PTPRM: variants seen among roughly 807,000 people sequenced by gnomAD.
PTPRM encodes the protein receptor-type tyrosine-protein phosphatase mu.
Under a neutral mutation model 186.7 loss-of-function variants are expected in PTPRM, and 47 were observed. The observed-to-expected ratio is 0.25, with a 90% confidence interval of 0.20 to 0.32. The LOEUF is 0.32. Ranked by LOEUF, PTPRM falls within the 10% of genes least tolerant of loss-of-function variation. The pLI is 1.00. For missense variants in PTPRM, 1,494 were observed against 1,865.0 expected, an observed-to-expected ratio of 0.80 and a Z score of 3.66; for synonymous variants, 668 against 674.9, an observed-to-expected ratio of 0.99 and a Z score of 0.16.
chr18:8,131,307 G>A (rs968707059), intron 13 of PTPRM, among the ~76,000 whole-genome samples: 1 of 152,166 alleles, frequency 6.6e-6, no homozygotes, highest in East Asian at 1.9e-4. Context: ...TCCCACTGAT[G>A]ATATTTTCCA....
rs530391489 is a variant in PTPRM, at chr18:8,166,750, A to G, written c.2300+22971A>G. Among the ~76,000 whole-genome samples, 3 of 152,318 alleles carry G rather than the reference A, an allele frequency of 2.0e-5. No individual in the cohort carries two copies. The East Asian group carries it at 5.8e-4, about 29-fold the overall frequency. ...ATTCTGTTGTCCTGTTTTACACTCA[A>G]GGAAACCAAGACTGAGCAAACTAAG... On this transcript the variant is annotated intron_variant, in intron 14 of 32. Transcript: ENST00000580170.
At chr18:7,680,555 G>C (rs915796401) in intron 1 of PTPRM, among the ~76,000 whole-genome samples, 1 of 152,156 alleles carries the variant, frequency 6.6e-6, no homozygotes, top group Admixed American at 6.5e-5. Flanking sequence ...GTAGACGTAG[G>C]AAAACCGTTT....
chr18:7,728,925 CTTT>C (rs113386099), intron 1 of PTPRM, among the ~76,000 whole-genome samples: 5 of 138,578 alleles, frequency 3.6e-5, no homozygotes, highest in Non-Finnish European at 4.7e-5. Flanking sequence ...TTCCTCCAAC[CTTT>C]TTTTTTTTTT....
chr18:8,113,495 A>T lies in PTPRM; in HGVS notation c.1866A>T (p.Gln622His). The change falls in exon 12 of 33, where the codon CAA becomes CAT. Residue 622 changes from glutamine (Q) to histidine (H), a missense_variant. Coordinates refer to ENST00000580170, the MANE Select transcript of PTPRM (RefSeq NM_001105244.2). ...ACTCTTGTTTTTCTAGTGTCTATCA[A>T]ATAGTTGTTGAGGAAGAACGTCCTC... Reference protein sequence around the residue: ...HSRGAPVSVYQIVVEEERPRR... With the variant: ...HSRGAPVSVYHIVVEEERPRR... The T allele has an allele frequency of 5.0e-6, 8 of 1,613,026 alleles. No individual in the cohort carries two copies. Among genetic ancestry groups the T allele is most frequent in the Non-Finnish European group, 6.8e-6 (8 of 1,179,082 alleles).
intron 1 of PTPRM, among the ~76,000 whole-genome samples, chr18:7,682,684 G>A (rs1218265263): frequency 1.3e-5 from 2 of 152,228 alleles, no homozygotes; most frequent in Non-Finnish European, 1.5e-5. Flanking sequence ...GTTTTAAAAT[G>A]TAGCTTAAAA....
chr18:7,678,184 C>A (rs1246018991), intron 1 of PTPRM, among the ~76,000 whole-genome samples: 1 of 152,146 alleles, frequency 6.6e-6, no homozygotes, highest in Non-Finnish European at 1.5e-5. Context: ...AAGGAAAACA[C>A]CCCTCCCCAC....
Position 7,888,332 on chromosome 18 carries a change from C to T in PTPRM, c.423C>T (p.Asn141=). 1 of 1,614,068 alleles carries T rather than the reference C, an allele frequency of 6.2e-7. No individual in the cohort carries two copies. The highest frequency in any genetic ancestry group is 8.5e-7 in the Non-Finnish European group (1 of 1,179,986). ...NISGDPTRTW[N]RAELAISTFW... ...CTGGAGACCCAACACGTACATGGAACAGGGCAGAACTGGCCATTAGTACTT... is the reference window on the plus strand; with the variant it reads ...CTGGAGACCCAACACGTACATGGAATAGGGCAGAACTGGCCATTAGTACTT... The change falls in exon 3 of 33, where the codon AAC becomes AAT. Residue 141 remains asparagine (N), a synonymous_variant. Coordinates refer to ENST00000580170, the MANE Select transcript of PTPRM (RefSeq NM_001105244.2).
chr18:8,301,859 T>C (rs575416065), intron 20 of PTPRM, among the ~76,000 whole-genome samples: 6 of 152,198 alleles, frequency 3.9e-5, no homozygotes, highest in Admixed American at 6.5e-5. Context: ...GTTTTTAGAC[T>C]GTGGTCAAGA....
intron 7 of PTPRM, among the ~76,000 whole-genome samples, chr18:8,030,876 A>G (rs866362296): frequency 4.6e-5 from 7 of 152,358 alleles, no homozygotes; most frequent in Non-Finnish European, 8.8e-5. Context: ...TCTGTGTCAT[A>G]AAATCTCACA....
At chr18:8,241,269 C>T (rs1382563199) in intron 14 of PTPRM, among the ~76,000 whole-genome samples, 2 of 152,130 alleles carry the variant, frequency 1.3e-5, no homozygotes, top group South Asian at 2.1e-4. Context: ...ACCTGGGTGG[C>T]GGAGGTTGCA....
At chr18:7,791,994 A>G (rs1052129402) in intron 2 of PTPRM, among the ~76,000 whole-genome samples, 8 of 152,192 alleles carry the variant, frequency 5.3e-5, no homozygotes, top group African/African-American at 1.9e-4. Flanking sequence ...ATAATTTCCC[A>G]GATAGAGCAA....
chr18:7,619,396 C>A (rs1447179693), intron 1 of PTPRM, among the ~76,000 whole-genome samples: 1 of 152,138 alleles, frequency 6.6e-6, no homozygotes, highest in Non-Finnish European at 1.5e-5. Flanking sequence ...CAACATTTCA[C>A]TGGGGACTCC....
intron 14 of PTPRM, among the ~76,000 whole-genome samples, chr18:8,240,824 G>GAGAA (rs1178427708): frequency 5.8e-5 from 2 of 34,530 alleles, no homozygotes; most frequent in Admixed American, 3.0e-4. Flanking sequence ...GAGAGAGAGA[G>GAGAA]AGAAAGAAAG....
chr18:7,621,022 GTAAATAAA>G (rs967415615), intron 1 of PTPRM, among the ~76,000 whole-genome samples: 2 of 152,020 alleles, frequency 1.3e-5, no homozygotes, highest in African/African-American at 4.8e-5. Flanking sequence ...TGTCTACTAA[GTAAATAAA>G]TAAATAAATA....
At chr18:7,665,228 A>T (rs994055443) in intron 1 of PTPRM, among the ~76,000 whole-genome samples, 9 of 152,206 alleles carry the variant, frequency 5.9e-5, no homozygotes, top group Non-Finnish European at 1.3e-4. Flanking sequence ...TTTCGATAGA[A>T]ATGACAGTCA....
intron 2 of PTPRM, among the ~76,000 whole-genome samples, chr18:7,846,652 T>G (rs555682450): frequency 1.4e-4 from 22 of 152,324 alleles, no homozygotes; most frequent in East Asian, 7.8e-4. Context: ...AGGCCATGTT[T>G]TATTAATTTC....
At chr18:7,721,245 A>G (rs1417836189) in intron 1 of PTPRM, among the ~76,000 whole-genome samples, 1 of 146,040 alleles carries the variant, frequency 6.8e-6, no homozygotes, top group Non-Finnish European at 1.5e-5. Flanking sequence ...GCATCTTTTT[A>G]TATTCTTTTT....
intron 1 of PTPRM, among the ~76,000 whole-genome samples, chr18:7,714,956 G>A (rs772603226): frequency 1.4e-4 from 22 of 152,006 alleles, no homozygotes; most frequent in Non-Finnish European, 1.3e-4. Context: ...CATTCCTTCC[G>A]AAACTATTCC....
Position 8,406,322 on chromosome 18 carries a change from A to G in PTPRM, c.*160A>G. ...AGAAAGTGTTTCTAAAATTGCTTGCACTGCCCAATCCCAGTAATGCTGCTG... is the reference window on the plus strand; with the variant it reads ...AGAAAGTGTTTCTAAAATTGCTTGCGCTGCCCAATCCCAGTAATGCTGCTG... On this transcript the variant is annotated 3_prime_UTR_variant, in exon 33 of 33. Transcript: ENST00000580170. 1 of 656,074 alleles carries G rather than the reference A, an allele frequency of 1.5e-6. No individual in the cohort carries two copies. The highest frequency in any genetic ancestry group is 2.6e-6 in the Non-Finnish European group (1 of 384,926). The allele number at this position is 656,074 out of a possible 1,614,324, so 40.6% of individuals were successfully genotyped here.
Sources: gnomAD v4.1 joint callset for allele counts (sites outside exome capture counted in the v4.1 genomes callset) on GRCh38, gnomAD v4.1.1 for gene constraint, MANE v1.5 for transcripts, NCBI Gene and HGNC (gene_info 2026-07-23, HGNC 2026-07-21) for gene names.